Variants in FBLN2 observed in about 807,000 individuals in gnomAD.
FBLN2 encodes the protein fibulin-2.
In FBLN2, 81 loss-of-function variants were observed where a neutral mutation model predicts 123.7. The ratio of observed to expected loss-of-function variants is 0.65; its 90% CI spans 0.55 to 0.79. The LOEUF (loss-of-function observed/expected upper bound fraction) is 0.79. Among genes scored for constraint, FBLN2 ranks in the 30% least tolerant of loss-of-function variants. FBLN2 has a pLI of 0.00. For missense variants in FBLN2, 1,603 were observed against 1,681.3 expected (o/e 0.95, Z 0.81); for synonymous variants, 699 against 701.4 (o/e 1.00, Z 0.05).
intron 2 of FBLN2, among the ~76,000 whole-genome samples, chr3:13,571,942 G>A (rs1335565288): frequency 2.0e-5 from 3 of 152,168 alleles, no homozygotes; most frequent in Admixed American, 6.5e-5. Flanking sequence ...GGGTCCAGAA[G>A]GTGCACATCT....
intron 1 of FBLN2, among the ~76,000 whole-genome samples, chr3:13,553,914 C>T (rs1407484406): frequency 6.6e-6 from 1 of 152,214 alleles, no homozygotes; most frequent in East Asian, 1.9e-4. Context: ...GGGGCGCCCC[C>T]CTGGCTATGC....
At chr3:13,564,422 A>T (rs145547271) in intron 1 of FBLN2, among the ~76,000 whole-genome samples, 174 of 152,340 alleles carry the variant, frequency 1.1e-3, no homozygotes, top group Middle Eastern at 3.4e-3. Context: ...TTAAAGCCAT[A>T]CTGGCGCCAA....
intron 1 of FBLN2, among the ~76,000 whole-genome samples, chr3:13,554,977 G>T (rs1335140676): frequency 9.3e-5 from 13 of 139,258 alleles, no homozygotes; most frequent in African/African-American, 3.0e-4. Context: ...TTTAAATACT[G>T]AATTTTACTC....
At chr3:13,576,731 C>T (rs1389078393) in intron 2 of FBLN2, among the ~76,000 whole-genome samples, 2 of 149,404 alleles carry the variant, frequency 1.3e-5, no homozygotes, top group East Asian at 2.0e-4. Context: ...CCCCCCCCCC[C>T]GGGTTCACTC....
intron 17 of FBLN2, among the ~76,000 whole-genome samples, 181 bp from the exon 18 acceptor site, chr3:13,637,381 C>A (rs556069106): frequency 6.6e-6 from 1 of 152,318 alleles, no homozygotes; most frequent in South Asian, 2.1e-4. Flanking sequence ...GTTTTATTAA[C>A]CTCATCTCGC....
chr3:13,584,261 G>A (rs1395440181), intron 2 of FBLN2, among the ~76,000 whole-genome samples: 2 of 152,204 alleles, frequency 1.3e-5, no homozygotes, highest in African/African-American at 4.8e-5. Flanking sequence ...CCTGCTTGCT[G>A]CCATAGCTTG....
intron 2 of FBLN2, among the ~76,000 whole-genome samples, chr3:13,580,161 A>G (rs990813195): frequency 2.0e-5 from 3 of 152,206 alleles, no homozygotes; most frequent in Non-Finnish European, 4.4e-5. Context: ...AGTGGAGGCC[A>G]TGAGCTTTCT....
chr3:13,581,225 G>T (rs1039331964), intron 2 of FBLN2, among the ~76,000 whole-genome samples: 38 of 151,852 alleles, frequency 2.5e-4, no homozygotes, highest in African/African-American at 8.9e-4. Flanking sequence ...TGGGGGGTGG[G>T]GGGGAGGTGT....
intron 1 of FBLN2, among the ~76,000 whole-genome samples, chr3:13,567,610 G>T (rs1703788659): frequency 6.6e-6 from 1 of 152,110 alleles, no homozygotes; most frequent in African/African-American, 2.4e-5. Context: ...CGCCTGTCTT[G>T]GCCTCCCAAA....
rs983589429 is a variant in FBLN2 at position 13,631,703 on chromosome 3, G to T, written c.3214+246G>T. On this transcript the variant is annotated intron_variant, in intron 16 of 17. Transcript: ENST00000404922. ...AGGCTTGTGCTCAGCTCTGGACCCTGCCCTGAGAGTGGAACAGAGATACTA... is the reference window on the plus strand; with the variant it reads ...AGGCTTGTGCTCAGCTCTGGACCCTTCCCTGAGAGTGGAACAGAGATACTA... Among the ~76,000 whole-genome samples the T allele has an allele frequency of 2.0e-5, 3 of 152,210 alleles. No homozygotes were observed. The East Asian group carries it at 5.8e-4, about 29-fold the overall frequency.
chr3:13,555,982 C>T (rs543056680), intron 1 of FBLN2, among the ~76,000 whole-genome samples: 1 of 152,314 alleles, frequency 6.6e-6, no homozygotes, highest in African/African-American at 2.4e-5. Flanking sequence ...TCACATACCT[C>T]ACATCTCCTG....
intron 1 of FBLN2, among the ~76,000 whole-genome samples, chr3:13,551,196 C>G (rs9868369): frequency 3.0e-4 from 46 of 152,360 alleles, no homozygotes; most frequent in African/African-American, 1.1e-3. Flanking sequence ...TAGGCCCAGG[C>G]TGGTCCTCCA....
intron 5 of FBLN2, among the ~76,000 whole-genome samples, chr3:13,614,939 TCCAC>T (rs1553621314): frequency 2.0e-4 from 29 of 146,350 alleles, no homozygotes. Context: ...CATCCATCCA[TCCAC>T]CCACCCATCC....
intron 2 of FBLN2, among the ~76,000 whole-genome samples, chr3:13,582,339 G>A (rs1043705315): frequency 6.6e-6 from 1 of 152,358 alleles, no homozygotes; most frequent in Admixed American, 6.5e-5. Context: ...GTGAGCTGGA[G>A]TTCAGGATCT....
intron 2 of FBLN2, among the ~76,000 whole-genome samples, chr3:13,575,059 A>G (rs1704091456): frequency 6.6e-6 from 1 of 152,212 alleles, no homozygotes; most frequent in Non-Finnish European, 1.5e-5. Flanking sequence ...TGAAGATATC[A>G]GCGGGTGGGC....
At chr3:13,615,680 A>G (rs62232999) in intron 5 of FBLN2, among the ~76,000 whole-genome samples, 10,580 of 152,282 alleles carry the variant, frequency 0.069, 458 homozygotes, top group Non-Finnish European at 0.086. Flanking sequence ...CAGCATTGCC[A>G]CCACTGTTGC....
At chr3:13,576,443 T>C (rs1449899467) in intron 2 of FBLN2, among the ~76,000 whole-genome samples, 1 of 152,014 alleles carries the variant, frequency 6.6e-6, no homozygotes, top group African/African-American at 2.4e-5. Flanking sequence ...GTAGAGTAAA[T>C]GATATGGGAT....
At chr3:13,566,116 G>A (rs531368253) in intron 1 of FBLN2, among the ~76,000 whole-genome samples, 3 of 152,084 alleles carry the variant, frequency 2.0e-5, no homozygotes, top group Non-Finnish European at 4.4e-5. Context: ...TGCTGGCCAG[G>A]CTCTGACTGC....
At chr3:13,609,689 C>CGGGGGGGGGG in intron 4 of FBLN2, 47 bp downstream of exon 4, 1 of 428,810 alleles carries the variant, frequency 2.3e-6, no homozygotes, top group Middle Eastern at 7.3e-4. Context: ...TGGGGCGGGG[C>CGGGGGGGGGG]GGGAGGCTGG....
Sources: gnomAD v4.1 joint callset for allele counts (sites outside exome capture counted in the v4.1 genomes callset) on GRCh38, gnomAD v4.1.1 for gene constraint, MANE v1.5 for transcripts, NCBI Gene and HGNC (gene_info 2026-07-23, HGNC 2026-07-21) for gene names.